CHUK: variants seen among roughly 807,000 people sequenced by gnomAD.
CHUK encodes the protein component of inhibitor of nuclear factor kappa B kinase complex.
A neutral mutation model predicts 104.8 loss-of-function variants in CHUK; 35 were observed. The ratio of observed to expected loss-of-function variants is 0.33; its 90% CI spans 0.26 to 0.44. The LOEUF is 0.44. CHUK is among the 20% of genes least tolerant of loss of function. CHUK has a pLI of 1.00. For synonymous variants in CHUK, 276 were observed against 291.9 expected, an observed-to-expected ratio of 0.95 and a Z score of 0.56; for missense variants, 663 against 902.7, an observed-to-expected ratio of 0.73 and a Z score of 3.40.
intron 11 of CHUK, among the ~76,000 whole-genome samples, chr10:100,205,745 C>T (rs1361567469): frequency 3.9e-5 from 6 of 152,018 alleles, no homozygotes; most frequent in Non-Finnish European, 7.4e-5. Flanking sequence ...CTGGCCAACA[C>T]GGTGAAACCC....
At chr10:100,223,437 G>A (rs752847669) in intron 2 of CHUK, among the ~76,000 whole-genome samples, 2 of 151,328 alleles carry the variant, frequency 1.3e-5, no homozygotes, top group Admixed American at 6.6e-5. Flanking sequence ...CCAGGAGTTC[G>A]AGATCAGCAT....
rs767766372 is a variant in CHUK, at chr10:100,219,227, A to G, written c.564+43T>C. On this transcript the variant is annotated intron_variant, in intron 6 of 20. Transcript: ENST00000370397. ...ATTCATGATCTTCAGAAATAAGAGA[A>G]TCCTATACACACTTAAATTCAAAGA... 2.6e-6 allele frequency: 4 copies of G among 1,542,724 alleles called. No individual in the cohort carries two copies. In the Admixed American group the frequency reaches 6.7e-5, roughly 26 times the overall value.
intron 15 of CHUK, among the ~76,000 whole-genome samples, chr10:100,200,309 G>C (rs1032119881): frequency 4.6e-5 from 7 of 152,126 alleles, no homozygotes; most frequent in Non-Finnish European, 4.4e-5. Context: ...AATATCTGAA[G>C]TTTTTAATCC....
At chr10:100,225,295 C>A (rs1846080326) in intron 2 of CHUK, among the ~76,000 whole-genome samples, 1 of 152,234 alleles carries the variant, frequency 6.6e-6, no homozygotes, top group Admixed American at 6.5e-5. Context: ...ATTCTACTTT[C>A]TTTCACTGTG....
Position 100,228,993 on chromosome 10 carries a change from GCACACACACACACACACA to G in CHUK, c.105+417_105+434del, listed in dbSNP as rs59218517. ...GGCCTCCAAGCGCGCGCGCGCGCGC[GCACACACACACACACACA>G]CACACACACACACACGGACGCACAC... On this transcript the variant is annotated intron_variant, in intron 1 of 20. Transcript: ENST00000370397. Among the ~76,000 whole-genome samples, 770 of 133,552 alleles carry G rather than the reference GCACACACACACACACACA, an allele frequency of 5.8e-3. 14 individuals carry two copies. Among genetic ancestry groups the G allele is most frequent in the African/African-American group, 0.021 (704 of 33,082 alleles). 87.6% of individuals were successfully genotyped at this position (133,552 alleles called of 152,430 possible). A position where few individuals can be genotyped will look rare whatever the true frequency, so the allele number is the denominator to read the frequency against.
chr10:100,217,765 T>C (rs560302095), intron 9 of CHUK, among the ~76,000 whole-genome samples: 1 of 152,282 alleles, frequency 6.6e-6, no homozygotes, highest in South Asian at 2.1e-4. Flanking sequence ...TAGTCCCAAC[T>C]ACTCGGGAGG....
chr10:100,218,632 T>C, intron 8 of CHUK, 86 bp downstream of exon 8: 4 of 886,080 alleles, frequency 4.5e-6, no homozygotes, highest in Non-Finnish European at 7.6e-6. Flanking sequence ...TACTGGATAA[T>C]GCAACTTGAA....
At chr10:100,197,089 A>G (rs1845350305) in intron 16 of CHUK, among the ~76,000 whole-genome samples, 1 of 152,184 alleles carries the variant, frequency 6.6e-6, no homozygotes, top group Admixed American at 6.5e-5. Context: ...CTGATGGTAC[A>G]GCCTGCTATA....
At chr10:100,220,561 T>C (rs755412348) in intron 5 of CHUK, 27 bp downstream of exon 5, 2 of 1,470,790 alleles carry the variant, frequency 1.4e-6, no homozygotes, top group South Asian at 2.3e-5. Flanking sequence ...TCAATAGGCA[T>C]GAAACATTAC....
rs1845902754 is a variant in CHUK at position 100,218,147 on chromosome 10, A to C, written c.798-17T>G. The C allele has an allele frequency of 1.3e-6, 2 of 1,599,846 alleles. No homozygotes were observed. Among genetic ancestry groups the C allele is most frequent in the African/African-American group, 1.3e-5 (1 of 74,448 alleles). On this transcript the variant is annotated splice_polypyrimidine_tract_variant and intron_variant, in intron 8 of 20. Transcript: ENST00000370397. ...ACTACTAAACTAGAAAACATACAAA[A>C]TAGGGTGAAAATCAAATCATTATGT...
intron 19 of CHUK, 100 bp downstream of exon 19, chr10:100,193,198 C>T (rs1845243574): frequency 3.0e-6 from 4 of 1,327,308 alleles, no homozygotes; most frequent in African/African-American, 2.9e-5. Context: ...AGGACTCAAC[C>T]CTGGTCTGAA....
intron 10 of CHUK, among the ~76,000 whole-genome samples, chr10:100,209,383 C>T (rs1845668414): frequency 6.6e-6 from 1 of 152,104 alleles, no homozygotes; most frequent in Non-Finnish European, 1.5e-5. Flanking sequence ...AGAAAACTGG[C>T]ACCAAAGAAA....
chr10:100,206,560 A>C (rs577815872), intron 11 of CHUK, among the ~76,000 whole-genome samples: 1 of 152,292 alleles, frequency 6.6e-6, no homozygotes, highest in South Asian at 2.1e-4. Context: ...GAACTTTCTA[A>C]GGTGAAAGAA....
chr10:100,191,722 A>G (rs897171825), intron 19 of CHUK, among the ~76,000 whole-genome samples: 4 of 152,226 alleles, frequency 2.6e-5, no homozygotes, highest in Non-Finnish European at 5.9e-5. Flanking sequence ...TGACATTCTG[A>G]TTCAGCTCTT....
intron 20 of CHUK, chr10:100,189,959 G>A (rs1845157114): frequency 1.3e-5 from 3 of 222,368 alleles, no homozygotes; most frequent in Admixed American, 5.5e-5. Context: ...CAATCCTTCT[G>A]CCTCAGCCTC....
chr10:100,221,245 G>A (rs1249387929), intron 4 of CHUK, among the ~76,000 whole-genome samples: 1 of 152,078 alleles, frequency 6.6e-6, no homozygotes, highest in Non-Finnish European at 1.5e-5. Flanking sequence ...GACCAGCCTG[G>A]CCAACACAGT....
chr10:100,193,725 C>T, intron 18 of CHUK: 1 of 594,524 alleles, frequency 1.7e-6, no homozygotes. Flanking sequence ...GCAGGTACAT[C>T]TATCCCCAAG....
intron 2 of CHUK, among the ~76,000 whole-genome samples, chr10:100,224,193 G>A (rs114168307): frequency 0.014 from 2,192 of 152,192 alleles, 55 homozygotes; most frequent in African/African-American, 0.049. Flanking sequence ...GCTTCCCCAT[G>A]AAGAGGCCCA....
At chr10:100,215,421 C>T (rs1248628833) in intron 9 of CHUK, among the ~76,000 whole-genome samples, 2 of 151,574 alleles carry the variant, frequency 1.3e-5, no homozygotes, top group Admixed American at 6.6e-5. Context: ...TAAAGCTATA[C>T]AGTTGAAGAG....
Sources: gnomAD v4.1 joint callset for allele counts (sites outside exome capture counted in the v4.1 genomes callset) on GRCh38, gnomAD v4.1.1 for gene constraint, MANE v1.5 for transcripts, NCBI Gene and HGNC (gene_info 2026-07-23, HGNC 2026-07-21) for gene names.